TNFAIP8: variants seen among roughly 807,000 people sequenced by gnomAD.
The protein encoded by TNFAIP8 is TNF alpha induced protein 8, also known as tumor necrosis factor alpha-induced protein 8.
A neutral mutation model predicts 13.3 loss-of-function variants in TNFAIP8; 7 were observed. The ratio of observed to expected loss-of-function variants is 0.52; its 90% confidence interval spans 0.30 to 0.99. TNFAIP8 has a LOEUF of 0.99. Among genes scored for constraint, TNFAIP8 ranks in the 50% least tolerant of loss-of-function variants. TNFAIP8 has a pLI of 0.07. For missense variants in TNFAIP8, 258 were observed against 236.9 expected (o/e 1.09, Z -0.58); for synonymous variants, 94 against 87.6 (o/e 1.07, Z -0.41).
At chr5:119,327,704 C>A (rs1298950538) in intron 1 of TNFAIP8, among the ~76,000 whole-genome samples, 1 of 152,148 alleles carries the variant, frequency 6.6e-6, no homozygotes, top group Non-Finnish European at 1.5e-5. Context: ...GGTGATCCGC[C>A]TGCCTCAGCC....
At chr5:119,276,862 A>G (rs564129789) in intron 1 of TNFAIP8, among the ~76,000 whole-genome samples, 2 of 152,322 alleles carry the variant, frequency 1.3e-5, no homozygotes, top group Admixed American at 6.5e-5. Flanking sequence ...TATAAAGGAT[A>G]TTAGTTGTCC....
intron 1 of TNFAIP8, among the ~76,000 whole-genome samples, chr5:119,375,779 TTTAGGATCTTAA>T (rs1752255758): frequency 6.6e-6 from 1 of 152,182 alleles, no homozygotes; most frequent in Admixed American, 6.5e-5. Context: ...AAATGTTCAA[TTTAGGATCTTAA>T]AGTAAGGATT....
intron 1 of TNFAIP8, among the ~76,000 whole-genome samples, chr5:119,289,001 G>A (rs1054703275): frequency 1.3e-5 from 2 of 152,156 alleles, no homozygotes; most frequent in African/African-American, 4.8e-5. Context: ...AGAACCAACT[G>A]CTTCCTAGCA....
chr5:119,363,529 C>T (rs2112793623), intron 1 of TNFAIP8, among the ~76,000 whole-genome samples: 1 of 152,308 alleles, frequency 6.6e-6, no homozygotes, highest in Non-Finnish European at 1.5e-5. Flanking sequence ...GCCTACAGGC[C>T]TCTTCCTGTG....
intron 1 of TNFAIP8, among the ~76,000 whole-genome samples, chr5:119,340,533 G>T (rs1391510824): frequency 6.6e-6 from 1 of 152,192 alleles, no homozygotes; most frequent in African/African-American, 2.4e-5. Flanking sequence ...AACTTGCTGG[G>T]CCTGTTTTCT....
intron 1 of TNFAIP8, among the ~76,000 whole-genome samples, chr5:119,334,426 G>A (rs923787283): frequency 6.6e-6 from 1 of 151,832 alleles, no homozygotes; most frequent in Non-Finnish European, 1.5e-5. Flanking sequence ...TTAATACTAG[G>A]GAAAAACTAG....
At chr5:119,327,238 G>T (rs1350613981) in intron 1 of TNFAIP8, among the ~76,000 whole-genome samples, 1 of 152,118 alleles carries the variant, frequency 6.6e-6, no homozygotes, top group African/African-American at 2.4e-5. Flanking sequence ...AGGCTGAGGC[G>T]GATGGGGGCG....
chr5:119,394,611 ATTTTTTTT>A lies in TNFAIP8; in HGVS notation c.*1242_*1249del, dbSNP rs397963876. 2 of 114,710 alleles carry A rather than the reference ATTTTTTTT, an allele frequency of 1.7e-5. No homozygotes were observed. The highest frequency in any genetic ancestry group is 4.0e-5 in the African/African-American group (1 of 24,756). 7.1% of individuals were successfully genotyped at this position (114,710 alleles called of 1,614,324 possible). ...CATTTCCATTGTCACTGTGTCTATGATTTTTTTTTTTTTTTTTTTGAGTCTCGCTCTGT... is the reference window on the plus strand; with the variant it reads ...CATTTCCATTGTCACTGTGTCTATGATTTTTTTTTTTGAGTCTCGCTCTGT... On this transcript the variant is annotated 3_prime_UTR_variant, in exon 2 of 2. Coordinates refer to ENST00000504771, the MANE Select transcript of TNFAIP8 (RefSeq NM_014350.4).
intron 1 of TNFAIP8, among the ~76,000 whole-genome samples, chr5:119,340,444 C>T (rs979754425): frequency 3.3e-5 from 5 of 152,222 alleles, no homozygotes; most frequent in African/African-American, 1.2e-4. Flanking sequence ...CAGAAAGGAG[C>T]TCTGAGCTCC....
rs61101551 is a variant in TNFAIP8, at chr5:119,369,055, CT to C, written c.31+12950del. On this transcript the variant is annotated intron_variant, in intron 1 of 1. Transcript: ENST00000504771. ...GCCAAACTTTCTTTTCTTTTCTTTT[CT>C]TTTTTTTTTTTTTTTGAGAGGGAAT... is the stretch of plus-strand genomic sequence containing the variant. Among the ~76,000 whole-genome samples, 381 of 104,982 alleles carry C rather than the reference CT, an allele frequency of 3.6e-3. 1 individual carries two copies. The highest frequency in any genetic ancestry group is 4.5e-3 in the Admixed American group (50 of 11,214). The allele number at this position is 104,982 out of a possible 152,430, so 68.9% of individuals were successfully genotyped here. A position where few individuals can be genotyped will look rare whatever the true frequency, so the allele number is the denominator to read the frequency against.
intron 1 of TNFAIP8, among the ~76,000 whole-genome samples, chr5:119,280,663 A>C (rs1344714581): frequency 6.6e-6 from 1 of 152,198 alleles, no homozygotes; most frequent in Non-Finnish European, 1.5e-5. Context: ...GTTGATCCTC[A>C]GTGTCTCGAT....
At chr5:119,391,231 G>T in intron 1 of TNFAIP8, 2 of 537,340 alleles carry the variant, frequency 3.7e-6, no homozygotes, top group African/African-American at 3.9e-5. Context: ...CTGCCTTTTT[G>T]CTTCCTAATG....
At chr5:119,391,421 T>C (rs935993521) in intron 1 of TNFAIP8, 2 of 702,196 alleles carry the variant, frequency 2.8e-6, no homozygotes, top group African/African-American at 3.5e-5. Flanking sequence ...GACTCAGAGA[T>C]TGAGTAGACA....
At chr5:119,276,411 C>T (rs1420898906) in intron 1 of TNFAIP8, among the ~76,000 whole-genome samples, 2 of 152,212 alleles carry the variant, frequency 1.3e-5, no homozygotes, top group Non-Finnish European at 2.9e-5. Flanking sequence ...AGCCACCGCA[C>T]CTGGCCTGTA....
At chr5:119,356,222 C>T (rs533998575) in intron 1 of TNFAIP8, 101 bp downstream of exon 1, 154 of 1,118,792 alleles carry the variant, frequency 1.4e-4, no homozygotes, top group Non-Finnish European at 1.9e-4. Context: ...GAGCGGTGGG[C>T]ACTTTGTCCG....
intron 1 of TNFAIP8, among the ~76,000 whole-genome samples, chr5:119,319,974 C>G (rs186476032): frequency 6.6e-6 from 1 of 152,282 alleles, no homozygotes; most frequent in Admixed American, 6.5e-5. Flanking sequence ...CACAGGAAAA[C>G]AGATTTCTGT....
rs1753064336 is a variant in TNFAIP8 at position 119,396,022 on chromosome 5, T to G, written c.*2641T>G. The stretch of plus-strand genomic sequence containing the variant: ...TAGTTTGTATTATGTGTCGGGCACA[T>G]TAACTCATTTAATTCTGCCACAATC... On this transcript the variant is annotated 3_prime_UTR_variant, in exon 2 of 2. Coordinates refer to ENST00000504771, the MANE Select transcript of TNFAIP8 (RefSeq NM_014350.4). 6.6e-6 allele frequency: 1 copy of G among 152,198 alleles called. No individual in the cohort carries two copies. Among genetic ancestry groups the G allele is most frequent in the Non-Finnish European group, 1.5e-5 (1 of 68,034 alleles). 9.4% of individuals were successfully genotyped at this position (152,198 alleles called of 1,614,324 possible). A position where few individuals can be genotyped will look rare whatever the true frequency, so the allele number is the denominator to read the frequency against.
rs562902248 is a variant in TNFAIP8, at chr5:119,398,182, A to G, written c.*4801A>G. 6.6e-6 allele frequency: 1 copy of G among 152,288 alleles called. No individual in the cohort carries two copies. Among genetic ancestry groups the G allele is most frequent in the South Asian group, 2.1e-4 (1 of 4,830 alleles). 9.4% of individuals were successfully genotyped at this position (152,288 alleles called of 1,614,324 possible). On this transcript the variant is annotated 3_prime_UTR_variant, in exon 2 of 2. Transcript: ENST00000504771. ...TCTTTCTTCATGGATGGCTGAGGAA[A>G]TTCTCCGCCTTCCCTGACATCAGCT...
At position 119,280,331 on chromosome 5, in the gene TNFAIP8, T is replaced by TA. The variant is rs34695435; in HGVS notation, c.1+11437dup. 3.3e-3 allele frequency among the ~76,000 whole-genome samples: 470 copies of TA among 144,204 alleles called. 1 individual carries two copies. The highest frequency in any genetic ancestry group is 6.4e-3 in the African/African-American group (253 of 39,642). The allele number at this position is 144,204 out of a possible 152,430, so 94.6% of individuals were successfully genotyped here. A position where few individuals can be genotyped will look rare whatever the true frequency, so the allele number is the denominator to read the frequency against. On this transcript the variant is annotated intron_variant, in intron 1 of 1. Coordinates refer to the TNFAIP8 transcript ENST00000274456. ...CCCACTGAGTTTTAGTCTTACCCAT[T>TA]AAAAAAAAAAAAAGATGTTTAAGTC...
Sources: gnomAD v4.1 joint callset for allele counts (sites outside exome capture counted in the v4.1 genomes callset) on GRCh38, gnomAD v4.1.1 for gene constraint, MANE v1.5 for transcripts, NCBI Gene and HGNC (gene_info 2026-07-23, HGNC 2026-07-21) for gene names.